The following PLPPR5 variants were observed in gnomAD, a reference collection of about 807,000 sequenced individuals.
PLPPR5 encodes phospholipid phosphatase-related protein type 5.
Under a neutral mutation model 33.9 loss-of-function variants are expected in PLPPR5, and 16 were observed. The observed-to-expected ratio is 0.47, with a 90% CI of 0.32 to 0.72. The LOEUF is 0.72. Ranked by LOEUF, PLPPR5 falls within the 30% of genes least tolerant of loss-of-function variation. The pLI, the probability that PLPPR5 is intolerant of heterozygous loss-of-function variation, is 0.03. For missense variants in PLPPR5, 301 were observed against 406.7 expected (o/e 0.74, Z 2.23); for synonymous variants, 163 against 150.3 (o/e 1.08, Z -0.62).
At chr1:99,004,275 C>A in intron 1 of PLPPR5, 160 bp downstream of exon 1, 2 of 631,226 alleles carry the variant, frequency 3.2e-6, no homozygotes, top group Non-Finnish European at 5.3e-6. Flanking sequence ...CACCCACCCT[C>A]ACGCGCCCTA....
At chr1:98,957,060 A>G (rs1348887675) in intron 1 of PLPPR5, among the ~76,000 whole-genome samples, 1 of 151,836 alleles carries the variant, frequency 6.6e-6, no homozygotes, top group Non-Finnish European at 1.5e-5. Flanking sequence ...ATTGGAAATC[A>G]TCATTCTCAG....
intron 1 of PLPPR5, among the ~76,000 whole-genome samples, chr1:98,997,195 T>C (rs1381031137): frequency 6.6e-6 from 1 of 152,162 alleles, no homozygotes; most frequent in East Asian, 1.9e-4. Context: ...ATGTAAACAT[T>C]TAACTCTTAT....
At chr1:98,974,066 T>C (rs1191468066) in intron 1 of PLPPR5, among the ~76,000 whole-genome samples, 3 of 151,598 alleles carry the variant, frequency 2.0e-5, no homozygotes, top group Non-Finnish European at 4.4e-5. Context: ...ATGCAAATAA[T>C]GAGGAGAAAA....
chr1:98,968,664 G>A (rs1275690155), intron 1 of PLPPR5, among the ~76,000 whole-genome samples: 1 of 151,900 alleles, frequency 6.6e-6, no homozygotes, highest in East Asian at 1.9e-4. Context: ...CTGTATGCCT[G>A]TATCAAAATA....
chr1:98,985,057 A>T (rs1478190688), intron 1 of PLPPR5, among the ~76,000 whole-genome samples: 1 of 152,062 alleles, frequency 6.6e-6, no homozygotes, highest in South Asian at 2.1e-4. Flanking sequence ...AACAAGCCTG[A>T]CCTTTGACCA....
chr1:98,969,152 G>A (rs1056609492), intron 1 of PLPPR5, among the ~76,000 whole-genome samples: 1 of 151,990 alleles, frequency 6.6e-6, no homozygotes, highest in Admixed American at 6.6e-5. Context: ...ATCTGGTAGA[G>A]CTAGCATCTC....
At chr1:98,985,900 T>C (rs1242214101) in intron 1 of PLPPR5, among the ~76,000 whole-genome samples, 11 of 152,026 alleles carry the variant, frequency 7.2e-5, no homozygotes, top group Admixed American at 7.2e-4. Flanking sequence ...TCAGAAAGTA[T>C]CCCTGTTGTT....
chr1:98,916,874 A>C (rs181879442), intron 4 of PLPPR5, among the ~76,000 whole-genome samples: 1 of 152,322 alleles, frequency 6.6e-6, no homozygotes, highest in African/African-American at 2.4e-5. Flanking sequence ...TGTTTGTAAA[A>C]ATGGTGATAA....
At chr1:98,977,856 A>G (rs1651916230) in intron 1 of PLPPR5, among the ~76,000 whole-genome samples, 2 of 151,858 alleles carry the variant, frequency 1.3e-5, no homozygotes, top group Non-Finnish European at 2.9e-5. Flanking sequence ...GGCGCTTTAG[A>G]AAAGAAGGTT....
In PLPPR5 at chr1:99,004,390, C is replaced by G. The variant is rs1438422387; in HGVS notation, c.237+45G>C. ...GGGCCTCAACCCCGAAGGCGAGGGG[C>G]GAGATCAGGGACTCGGCGACGAGGG... On this transcript the variant is annotated intron_variant, in intron 1 of 5. Coordinates refer to ENST00000263177, the MANE Select transcript of PLPPR5 (RefSeq NM_001037317.2). 3.3e-6 allele frequency: 5 copies of G among 1,501,658 alleles called. No individual in the cohort carries two copies. In the Admixed American group the frequency reaches 5.9e-5, roughly 18 times the overall value. 93.0% of individuals were successfully genotyped at this position (1,501,658 alleles called of 1,614,324 possible).
intron 4 of PLPPR5, among the ~76,000 whole-genome samples, chr1:98,920,077 C>T (rs145557136): frequency 6.6e-6 from 1 of 152,240 alleles, no homozygotes; most frequent in East Asian, 1.9e-4. Flanking sequence ...AAAGGGCTAT[C>T]ATGAAACGTT....
chr1:98,941,396 G>A (rs1650362693), intron 3 of PLPPR5, among the ~76,000 whole-genome samples: 1 of 151,734 alleles, frequency 6.6e-6, no homozygotes, highest in African/African-American at 2.4e-5. Flanking sequence ...GAGAGTGAGT[G>A]TGCATATGTG....
intron 3 of PLPPR5, among the ~76,000 whole-genome samples, chr1:98,952,108 C>A (rs778699143): frequency 1.3e-5 from 2 of 151,886 alleles, no homozygotes; most frequent in Non-Finnish European, 2.9e-5. Context: ...ACTAAAAATA[C>A]AAAAATCAGT....
chr1:98,991,320 T>C (rs902525690), intron 1 of PLPPR5: 2 of 151,834 alleles, frequency 1.3e-5, no homozygotes, highest in African/African-American at 4.8e-5. Context: ...ATGAAACAAA[T>C]TGACCACAAG....
At chr1:98,915,282 A>G (rs74339229) in intron 4 of PLPPR5, among the ~76,000 whole-genome samples, 2,692 of 152,256 alleles carry the variant, frequency 0.018, 86 homozygotes, top group African/African-American at 0.061. Flanking sequence ...TTTTCCTAAT[A>G]TGGCTATTCT....
chr1:98,905,540 T>A (rs1049951504), intron 5 of PLPPR5, among the ~76,000 whole-genome samples: 1 of 152,184 alleles, frequency 6.6e-6, no homozygotes, highest in Non-Finnish European at 1.5e-5. Flanking sequence ...CTTTATGAAA[T>A]CTGGAGAGTC....
chr1:98,990,585 G>A (rs970384306), intron 1 of PLPPR5, among the ~76,000 whole-genome samples: 1 of 152,064 alleles, frequency 6.6e-6, no homozygotes, highest in Non-Finnish European at 1.5e-5. Context: ...TCCATTTGAA[G>A]TAAGTGAGAT....
intron 1 of PLPPR5, among the ~76,000 whole-genome samples, chr1:99,001,673 T>TATATATATATATATAGATATATATAG (rs1557699469): frequency 2.6e-5 from 1 of 38,708 alleles, no homozygotes; most frequent in African/African-American, 5.7e-5. Flanking sequence ...AAGTTAAAGA[T>TATATATATATATATAGATATATATAG]ATATATATAT....
intron 4 of PLPPR5, among the ~76,000 whole-genome samples, chr1:98,918,661 A>C (rs1016450796): frequency 6.6e-6 from 1 of 152,160 alleles, no homozygotes; most frequent in Non-Finnish European, 1.5e-5. Context: ...CAATCAGGGA[A>C]ACTTCCTGGG....
Sources: gnomAD v4.1 joint callset for allele counts (sites outside exome capture counted in the v4.1 genomes callset) on GRCh38, gnomAD v4.1.1 for gene constraint, MANE v1.5 for transcripts, NCBI Gene and HGNC (gene_info 2026-07-23, HGNC 2026-07-21) for gene names.